The following IL9R variants were observed in gnomAD, a reference collection of about 807,000 sequenced individuals.
IL9R encodes the protein interleukin-9 receptor.
In IL9R, 54 loss-of-function variants were observed where a neutral mutation model predicts 56.3. The ratio of observed to expected loss-of-function variants is 0.96; its 90% CI spans 0.77 to 1.20. IL9R has a LOEUF of 1.20. Ranked by LOEUF, IL9R falls within the 50% of genes most tolerant of loss-of-function variation. The probability of loss-of-function intolerance (pLI) is 0.00; values close to 1 mark genes in which losing one functional copy is unlikely to be tolerated. For missense variants in IL9R, 545 were observed against 629.8 expected, an observed-to-expected ratio of 0.87 and a Z score of 1.44; for synonymous variants, 212 against 250.2, an observed-to-expected ratio of 0.85 and a Z score of 1.44.
rs751915848 is a variant in IL9R at position 156,004,498 on chromosome X, C to A, written c.512C>A (p.Ala171Asp). 6 of 1,613,730 alleles carry A rather than the reference C, an allele frequency of 3.7e-6. No homozygotes were observed. The highest frequency in any genetic ancestry group is 3.3e-5 in the Admixed American group (2 of 60,012). ...HCILTWSISP[A>D]LEPMTTLLSY... ...ATCCTGACCTGGAGCATCAGTCCTG[C>A]CTTGGAGCCAATGACCACACTTCTC... Residue 171 changes from alanine to aspartate, a missense_variant, in exon 5 of 9, where the codon GCC (alanine) becomes GAC (aspartate). Ala to Asp is a moderately radical substitution (Grantham distance 126). Around this residue, in one of 2 missense-constraint regions of IL9R, gnomAD observed 431 missense variants for 360.0 expected, o/e 1.20. Transcript: ENST00000244174.
In IL9R at chrX:156,003,731, C is replaced by G; in HGVS notation, c.309C>G (p.Thr103=). Reference sequence around the variant, plus strand: ...GCATCTTGCGGGGCAGTGAGTGCACCGTCGTGCTGCCACCTGAGGCAGTGC... The same window carrying G: ...GCATCTTGCGGGGCAGTGAGTGCACGGTCGTGCTGCCACCTGAGGCAGTGC... ...HKCILRGSEC[T]VVLPPEAVLV... Residue 103 remains threonine, a synonymous_variant, in exon 4 of 9, where the codon ACC becomes ACG. Coordinates refer to ENST00000244174, the MANE Select transcript of IL9R (RefSeq NM_002186.3). 2 of 1,613,814 alleles carry G rather than the reference C, an allele frequency of 1.2e-6. No individual in the cohort carries two copies. Among genetic ancestry groups the G allele is most frequent in the Non-Finnish European group, 1.7e-6 (2 of 1,179,800 alleles).
intron 1 of IL9R, among the ~76,000 whole-genome samples, chrX:156,002,006 G>A (rs1339705103): frequency 6.6e-6 from 1 of 152,186 alleles, no homozygotes; most frequent in Non-Finnish European, 1.5e-5. Flanking sequence ...TTCTGGGGCA[G>A]AACAGTTGGA....
rs375571916 is a variant in IL9R at position 156,003,506 on chromosome X, A to T, written c.200A>T (p.His67Leu). The stretch of plus-strand genomic sequence containing the variant: ...AACAACATTCTCAGGATCGATTGCC[A>T]CTGGTCTGCCCCAGAGCTGGGACAG... ...LTNNILRIDC[H>L]WSAPELGQGS... is the part of the protein sequence containing the mutation. The change falls in exon 3 of 9, where the codon CAC (histidine) becomes CTC (leucine). Residue 67 changes from histidine to leucine, a missense_variant. Transcript: ENST00000244174. 1 of 1,612,476 alleles carries T rather than the reference A, an allele frequency of 6.2e-7. No individual in the cohort carries two copies. The highest frequency in any genetic ancestry group is 1.3e-5 in the African/African-American group (1 of 74,856).
At chrX:156,000,656 C>T (rs772282229) in intron 1 of IL9R, among the ~76,000 whole-genome samples, 59 of 152,280 alleles carry the variant, frequency 3.9e-4, no homozygotes, top group African/African-American at 1.4e-3. Context: ...GTGAGGCTTC[C>T]CTGGTGACAT....
chrX:156,006,649 G>A (rs1167563631), intron 7 of IL9R, among the ~76,000 whole-genome samples: 64 of 151,930 alleles, frequency 4.2e-4, no homozygotes, highest in African/African-American at 1.2e-3. Context: ...TAAATAAACC[G>A]TCACGCCTCA....
At chrX:155,998,150 T>C (rs1463818163) in intron 1 of IL9R, among the ~76,000 whole-genome samples, 1 of 151,980 alleles carries the variant, frequency 6.6e-6, no homozygotes, top group East Asian at 1.9e-4. Flanking sequence ...TGGGCATACT[T>C]GGGCCTCAGT....
rs1207364823 is a variant in IL9R at position 156,003,557 on chromosome X, C to G, written c.251C>G (p.Thr84Ser). The change falls in exon 3 of 9, where the codon ACC becomes AGC. Residue 84 changes from threonine (T) to serine (S), a missense_variant. By Grantham distance (58) the Thr-to-Ser change is moderately conservative. Coordinates refer to ENST00000244174, the MANE Select transcript of IL9R (RefSeq NM_002186.3). ...GQGSSPWLLF[T>S]SNQAPGGTHK... ...GGCTCCAGCCCCTGGCTCCTCTTCA[C>G]CAGGTGAGCATGGAGGGCCATGCCC... is the stretch of plus-strand genomic sequence containing the variant. The G allele has an allele frequency of 6.2e-7, 1 of 1,611,616 alleles. No homozygotes were observed. The highest frequency in any genetic ancestry group is 1.1e-5 in the South Asian group (1 of 90,992).
chrX:155,999,636 C>T (rs1023067520), intron 1 of IL9R, among the ~76,000 whole-genome samples: 1 of 152,144 alleles, frequency 6.6e-6, no homozygotes, highest in African/African-American at 2.4e-5. Context: ...CTCCCATTTC[C>T]AGCACCATTT....
chrX:156,004,716 T>C, intron 5 of IL9R, 151 bp downstream of exon 5: 1 of 759,702 alleles, frequency 1.3e-6, no homozygotes. Context: ...CATGCTGGCA[T>C]GCAGATGTGT....
At chrX:156,006,725 G>A (rs1024142520) in intron 7 of IL9R, among the ~76,000 whole-genome samples, 1 of 152,060 alleles carries the variant, frequency 6.6e-6, no homozygotes, top group African/African-American at 2.4e-5. Flanking sequence ...GTGAGGAAGA[G>A]GGTGTGGGGA....
At position 155,997,770 on chromosome X, in the gene IL9R, G is replaced by C; in HGVS notation, c.11G>C (p.Gly4Ala). The C allele has an allele frequency of 6.2e-7, 1 of 1,613,736 alleles. No individual in the cohort carries two copies. Among genetic ancestry groups the C allele is most frequent in the Non-Finnish European group, 8.5e-7 (1 of 1,179,738 alleles). MGLGRCIWEGWTLE... is the reference protein window; with the variant it reads MGLARCIWEGWTLE... ...TGCCTCAGACTTGTGATGGGACTGG[G>C]CAGATGCATCTGGGAAGGTGAGTCT... The change falls in exon 1 of 9, where the codon GGC becomes GCC. Residue 4 changes from glycine to alanine, a missense_variant. Physicochemically the swap from Gly to Ala is moderately conservative, Grantham distance 60. Coordinates refer to ENST00000244174, the MANE Select transcript of IL9R (RefSeq NM_002186.3).
chrX:156,002,856 C>G (rs767781469), intron 1 of IL9R, 50 bp from the exon 2 acceptor site: 26 of 1,612,408 alleles, frequency 1.6e-5, no homozygotes, highest in African/African-American at 5.3e-5. Flanking sequence ...GGGGAGCACC[C>G]CTCCAGAGAG....
In IL9R at chrX:156,003,668, C is replaced by G; in HGVS notation, c.255-9C>G. On this transcript the variant is annotated splice_polypyrimidine_tract_variant and intron_variant, in intron 3 of 8. Transcript: ENST00000244174. ...GCAGCCCCGTGGTGCTGACAAATGCCCTTTCCAGCAACCAGGCTCCTGGCG... is the reference window on the plus strand; with the variant it reads ...GCAGCCCCGTGGTGCTGACAAATGCGCTTTCCAGCAACCAGGCTCCTGGCG... The G allele has an allele frequency of 6.2e-7, 1 of 1,612,528 alleles. No individual in the cohort carries two copies. The highest frequency in any genetic ancestry group is 8.5e-7 in the Non-Finnish European group (1 of 1,179,186).
At chrX:156,003,881 C>A (rs368584100) in intron 4 of IL9R, 26 bp downstream of exon 4, 6 of 1,611,920 alleles carry the variant, frequency 3.7e-6, no homozygotes, top group African/African-American at 1.3e-5. Flanking sequence ...AGGTCTGGGG[C>A]GGGGCCGCTT....
rs1405125589 is a variant in IL9R at position 156,004,421 on chromosome X, T to A, written c.435T>A (p.Val145=). ...TCACATGGATTCACTCTGTTCCAGT[T>A]AAGCTGGACCCGCCCTCTGACTTGC... ...VDPEYLPRRH[V]KLDPPSDLQS... is the part of the protein sequence containing the mutation. The change falls in exon 5 of 9, where the codon GTT becomes GTA. Residue 145 remains valine, a splice_region_variant and synonymous_variant. Transcript: ENST00000244174. The A allele has an allele frequency of 6.2e-7, 1 of 1,613,884 alleles. No individual in the cohort carries two copies. The highest frequency in any genetic ancestry group is 1.1e-5 in the South Asian group (1 of 91,048).
chrX:156,003,307 C>T, intron 2 of IL9R, 142 bp from the exon 3 acceptor site: 1 of 707,208 alleles, frequency 1.4e-6, no homozygotes, highest in Non-Finnish European at 2.5e-6. Flanking sequence ...CCCAGGCCTC[C>T]CAGTGCTTCC....
rs1187263824 is a variant in IL9R, at chrX:156,003,512, C to T, written c.206C>T (p.Ser69Phe). 1 of 1,612,778 alleles carries T rather than the reference C, an allele frequency of 6.2e-7. No individual in the cohort carries two copies. The highest frequency in any genetic ancestry group is 8.5e-7 in the Non-Finnish European group (1 of 1,179,826). ...ATTCTCAGGATCGATTGCCACTGGTCTGCCCCAGAGCTGGGACAGGGCTCC... is the reference window on the plus strand; with the variant it reads ...ATTCTCAGGATCGATTGCCACTGGTTTGCCCCAGAGCTGGGACAGGGCTCC... The part of the protein sequence containing the change: ...NNILRIDCHW[S>F]APELGQGSSP... Residue 69 changes from serine to phenylalanine, a missense_variant, in exon 3 of 9, where the codon TCT becomes TTT. Ser to Phe is a radical substitution (Grantham distance 155). Coordinates refer to ENST00000244174, the MANE Select transcript of IL9R (RefSeq NM_002186.3).
chrX:156,001,072 C>T (rs1474896054), intron 1 of IL9R, among the ~76,000 whole-genome samples: 1 of 152,270 alleles, frequency 6.6e-6, no homozygotes, highest in African/African-American at 2.4e-5. Flanking sequence ...CCCAACTCTC[C>T]GGTCCTACTT....
chrX:156,004,617 C>G (rs1313671775), intron 5 of IL9R, 52 bp downstream of exon 5: 2 of 1,561,326 alleles, frequency 1.3e-6, no homozygotes, highest in Non-Finnish European at 1.8e-6. Context: ...GAACAGCAGT[C>G]CAGGGTAGAC....
Sources: gnomAD v4.1 joint callset for allele counts (sites outside exome capture counted in the v4.1 genomes callset) on GRCh38, gnomAD v4.1.1 for gene constraint, gnomAD v4.1.1 regional missense constraint, MANE v1.5 for transcripts, NCBI Gene and HGNC (gene_info 2026-07-23, HGNC 2026-07-21) for gene names.